LRRC3B: variants seen among roughly 807,000 people sequenced by gnomAD.
LRRC3B encodes the protein leucine rich repeat containing 3B.
Under a neutral mutation model 12.8 loss-of-function variants are expected in LRRC3B, and 2 were observed. That is an observed-to-expected ratio of 0.16 (90% CI 0.06 to 0.49). The LOEUF is 0.49. Among genes scored for constraint, LRRC3B ranks in the 20% least tolerant of loss-of-function variants. The pLI is 0.96. For synonymous variants in LRRC3B, 132 were observed against 122.0 expected, an observed-to-expected ratio of 1.08 and a Z score of -0.54; for missense variants, 189 against 319.4, an observed-to-expected ratio of 0.59 and a Z score of 3.11.
intron 1 of LRRC3B, among the ~76,000 whole-genome samples, chr3:26,650,584 C>CT (rs943879536): frequency 4.0e-5 from 6 of 150,802 alleles, no homozygotes; most frequent in African/African-American, 4.9e-5. Context: ...AGGTGTTTTG[C>CT]TTTTTTTTTC....
chr3:26,710,066 G>A, exon 2 of LRRC3B: 2 of 1,614,082 alleles, frequency 1.2e-6, no homozygotes, highest in Non-Finnish European at 1.7e-6. Flanking sequence ...GCACAAAAAT[G>A]CCTTCAATAA....
intron 1 of LRRC3B, among the ~76,000 whole-genome samples, chr3:26,663,350 T>G (rs1699534824): frequency 6.6e-6 from 1 of 152,160 alleles, no homozygotes; most frequent in Non-Finnish European, 1.5e-5. Context: ...TGCATCTTTA[T>G]TTTACTATTT....
At chr3:26,638,857 G>A (rs758213698) in intron 1 of LRRC3B, among the ~76,000 whole-genome samples, 2 of 152,216 alleles carry the variant, frequency 1.3e-5, no homozygotes, top group Non-Finnish European at 2.9e-5. Flanking sequence ...GCTGAATGAA[G>A]AAGGTAATCA....
intron 1 of LRRC3B, among the ~76,000 whole-genome samples, chr3:26,643,248 ATGTGTGAGTGTG>A (rs1157010947): frequency 1.6e-5 from 2 of 123,034 alleles, no homozygotes; most frequent in Non-Finnish European, 3.3e-5. Context: ...ATACACACAT[ATGTGTGAGTGTG>A]TGTGTGTGTG....
At chr3:26,700,696 T>A (rs1312839965) in intron 1 of LRRC3B, among the ~76,000 whole-genome samples, 1 of 152,186 alleles carries the variant, frequency 6.6e-6, no homozygotes, top group Non-Finnish European at 1.5e-5. Flanking sequence ...CCTATCTTAG[T>A]GGGACCAGTT....
At chr3:26,701,093 A>C (rs937213672) in intron 1 of LRRC3B, 1 of 152,198 alleles carries the variant, frequency 6.6e-6, no homozygotes, top group Non-Finnish European at 1.5e-5. Context: ...ATATTATTTT[A>C]AGTCACAAAC....
intron 1 of LRRC3B, among the ~76,000 whole-genome samples, chr3:26,664,155 G>T (rs906694284): frequency 1.3e-5 from 2 of 151,972 alleles, no homozygotes; most frequent in Non-Finnish European, 2.9e-5. Context: ...ACTATGCATG[G>T]TTCTTCTCTG....
chr3:26,628,292 T>A (rs1698672946), intron 1 of LRRC3B, among the ~76,000 whole-genome samples: 1 of 152,002 alleles, frequency 6.6e-6, no homozygotes, highest in Admixed American at 6.6e-5. Context: ...ATACATAGTA[T>A]GAGTTAAAAG....
intron 1 of LRRC3B, among the ~76,000 whole-genome samples, chr3:26,638,869 G>A (rs73821155): frequency 1.3e-3 from 199 of 152,310 alleles, no homozygotes; most frequent in African/African-American, 4.7e-3. Flanking sequence ...AGGTAATCAA[G>A]GTGTGTGAAC....
At chr3:26,708,556 G>C (rs1700664601) in intron 1 of LRRC3B, among the ~76,000 whole-genome samples, 1 of 152,086 alleles carries the variant, frequency 6.6e-6, no homozygotes, top group Non-Finnish European at 1.5e-5. Flanking sequence ...TTGTGAACTG[G>C]TCCCAAAGAT....
At chr3:26,627,440 G>A (rs900324779) in intron 1 of LRRC3B, among the ~76,000 whole-genome samples, 1 of 152,026 alleles carries the variant, frequency 6.6e-6, no homozygotes, top group Non-Finnish European at 1.5e-5. Context: ...CTAGGACCTA[G>A]GCCATCCTAT....
chr3:26,634,766 A>G (rs1698830519), intron 1 of LRRC3B, among the ~76,000 whole-genome samples: 1 of 152,206 alleles, frequency 6.6e-6, no homozygotes, highest in African/African-American at 2.4e-5. Context: ...ATCAAACCCT[A>G]TAAAAGTCAA....
At chr3:26,696,507 T>G (rs1254198090) in intron 1 of LRRC3B, among the ~76,000 whole-genome samples, 2 of 152,192 alleles carry the variant, frequency 1.3e-5, no homozygotes, top group Non-Finnish European at 2.9e-5. Flanking sequence ...CTCCCCTAAC[T>G]CTTCAGAATG....
At chr3:26,638,252 G>A (rs1419982542) in intron 1 of LRRC3B, among the ~76,000 whole-genome samples, 1 of 151,782 alleles carries the variant, frequency 6.6e-6, no homozygotes, top group Non-Finnish European at 1.5e-5. Context: ...TTAATGTCAT[G>A]ATATAAAAAA....
rs1218361539 is a variant in LRRC3B, at chr3:26,652,293, C to T, written c.-161+29056C>T. ...GACTGGGAGGGAAGGACAGCTGGGG[C>T]CTGCGAAGCAGAGCCCAACCCTTTA... On this transcript the variant is annotated intron_variant, in intron 1 of 1. Coordinates refer to ENST00000396641, the Ensembl canonical transcript of LRRC3B. Among the ~76,000 whole-genome samples the T allele has an allele frequency of 3.9e-5, 6 of 152,218 alleles. No homozygotes were observed. In the South Asian group the frequency reaches 6.2e-4, roughly 16 times the overall value.
At chr3:26,687,584 G>A (rs759423248) in intron 1 of LRRC3B, among the ~76,000 whole-genome samples, 6 of 152,094 alleles carry the variant, frequency 3.9e-5, no homozygotes, top group Non-Finnish European at 8.8e-5. Flanking sequence ...CCCAGAGATC[G>A]TTTCCATACA....
intron 1 of LRRC3B, among the ~76,000 whole-genome samples, chr3:26,650,979 C>G (rs1699253472): frequency 6.6e-6 from 1 of 152,134 alleles, no homozygotes; most frequent in South Asian, 2.1e-4. Flanking sequence ...AAATGCACCT[C>G]AAGTTAAATT....
chr3:26,673,209 A>G (rs1699789064), intron 1 of LRRC3B, among the ~76,000 whole-genome samples: 1 of 152,180 alleles, frequency 6.6e-6, no homozygotes. Context: ...TCTAGAAGTC[A>G]TTCTTTAAAA....
chr3:26,685,486 C>CCTCCCTCT (rs1277835964), intron 1 of LRRC3B, among the ~76,000 whole-genome samples: 8 of 49,566 alleles, frequency 1.6e-4, no homozygotes, highest in African/African-American at 7.4e-4. Context: ...AGACTCTCTC[C>CCTCCCTCT]CTCTCTCTCT....
Sources: allele counts gnomAD v4.1 joint callset (sites outside exome capture counted in the v4.1 genomes callset), GRCh38; gene constraint gnomAD v4.1.1; transcripts MANE v1.5; gene names NCBI Gene and HGNC (gene_info 2026-07-23, HGNC 2026-07-21).